NELL1: variants seen among roughly 807,000 people sequenced by gnomAD.
The protein encoded by NELL1 is neural EGFL like 1, also known as protein kinase C-binding protein NELL1.
Under a neutral mutation model 107.4 loss-of-function variants are expected in NELL1, and 76 were observed. The ratio of observed to expected loss-of-function variants is 0.71; its 90% confidence interval spans 0.59 to 0.86. The LOEUF (loss-of-function observed/expected upper bound fraction) is 0.86. NELL1 is among the 40% of genes least tolerant of loss of function. The pLI is 0.00. For synonymous variants in NELL1, 353 were observed against 341.2 expected, an observed-to-expected ratio of 1.03 and a Z score of -0.38; for missense variants, 1,024 against 1,005.5, an observed-to-expected ratio of 1.02 and a Z score of -0.25.
At chr11:21,398,886 T>C (rs1945442) in intron 15 of NELL1, among the ~76,000 whole-genome samples, 115,780 of 151,614 alleles carry the variant, frequency 0.76, 44,422 homozygotes, top group South Asian at 0.81. Flanking sequence ...TTTAAGTGAA[T>C]TTAAAGCCAG....
At chr11:21,231,557 A>G (rs1367444356) in intron 14 of NELL1, among the ~76,000 whole-genome samples, 1 of 152,206 alleles carries the variant, frequency 6.6e-6, no homozygotes, top group African/African-American at 2.4e-5. Flanking sequence ...GAGGAGCAAC[A>G]TAGGGATTTT....
At chr11:21,010,695 G>C (rs1590536180) in intron 12 of NELL1, among the ~76,000 whole-genome samples, 1 of 152,090 alleles carries the variant, frequency 6.6e-6, no homozygotes, top group African/African-American at 2.4e-5. Context: ...AGGGAGTAAA[G>C]CTGAGGGGCT....
intron 15 of NELL1, among the ~76,000 whole-genome samples, chr11:21,474,319 G>C (rs1854264387): frequency 6.6e-6 from 1 of 151,904 alleles, no homozygotes; most frequent in South Asian, 2.1e-4. Flanking sequence ...CACTCAGAGA[G>C]CCCTTCCCTT....
intron 3 of NELL1, among the ~76,000 whole-genome samples, chr11:20,804,568 A>C (rs898113756): frequency 4.6e-5 from 7 of 152,114 alleles, no homozygotes; most frequent in Non-Finnish European, 8.8e-5. Flanking sequence ...CTATTGTTTA[A>C]TTTCCATGTG....
intron 15 of NELL1, among the ~76,000 whole-genome samples, chr11:21,531,172 AAC>A (rs34379297): frequency 7.9e-5 from 12 of 152,104 alleles, no homozygotes; most frequent in African/African-American, 2.2e-4. Flanking sequence ...ACAAAACACA[AAC>A]ACACACACAC....
At chr11:21,093,211 A>G (rs928452575) in intron 12 of NELL1, among the ~76,000 whole-genome samples, 1 of 152,182 alleles carries the variant, frequency 6.6e-6, no homozygotes, top group African/African-American at 2.4e-5. Context: ...AGCCTGTGTG[A>G]ACTTGGGGAA....
intron 13 of NELL1, among the ~76,000 whole-genome samples, chr11:21,134,479 GAC>G (rs2133762521): frequency 6.6e-6 from 1 of 152,290 alleles, no homozygotes; most frequent in African/African-American, 2.4e-5. Flanking sequence ...TTGAAAGGAT[GAC>G]ACACTCTTAA....
rs540414665 is a variant in NELL1 at position 21,083,391 on chromosome 11, G to A, written c.1301-30198G>A. ...AAATTTCCTTTTATAAGAGCCTTAC[G>A]GAAGAAAAGGAGGCTTGGAGAAACA... On this transcript the variant is annotated intron_variant, in intron 12 of 19. Transcript: ENST00000357134. Among the ~76,000 whole-genome samples the A allele has an allele frequency of 4.6e-5, 7 of 152,224 alleles. No individual in the cohort carries two copies. The East Asian group carries it at 9.7e-4, about 21-fold the overall frequency.
rs57066643 is a variant in NELL1 at position 21,532,816 on chromosome 11, T to C, written c.1646-1558T>C. On this transcript the variant is annotated intron_variant, in intron 15 of 19. Transcript: ENST00000357134. ...GGTATTCAAAAAGCAGTGGGCTGATTGTGTTATTTAGAATAAGCCCTTTCC... is the reference window on the plus strand; with the variant it reads ...GGTATTCAAAAAGCAGTGGGCTGATCGTGTTATTTAGAATAAGCCCTTTCC... Among the ~76,000 whole-genome samples the C allele has an allele frequency of 1.2e-3, 184 of 152,302 alleles. 1 individual carries two copies. The highest frequency in any genetic ancestry group is 4.3e-3 in the African/African-American group (178 of 41,568).
intron 15 of NELL1, among the ~76,000 whole-genome samples, chr11:21,417,432 C>A (rs1852545177): frequency 6.6e-6 from 1 of 151,204 alleles, no homozygotes; most frequent in Admixed American, 6.6e-5. Context: ...AAAAATGTTT[C>A]TGATTTTTTT....
intron 2 of NELL1, among the ~76,000 whole-genome samples, chr11:20,766,553 A>G (rs1260512320): frequency 6.6e-6 from 1 of 152,126 alleles, no homozygotes; most frequent in Non-Finnish European, 1.5e-5. Flanking sequence ...TAAACCCTCT[A>G]GTGTGTAATG....
At chr11:21,274,931 C>T (rs1052081042) in intron 14 of NELL1, among the ~76,000 whole-genome samples, 1 of 152,100 alleles carries the variant, frequency 6.6e-6, no homozygotes, top group Admixed American at 6.6e-5. Context: ...GCACTAAATG[C>T]CCACAAGAGA....
In NELL1 at chr11:21,159,977, T is replaced by C. The variant is rs150053162; in HGVS notation, c.1426+46263T>C. ...ACCTAACAACCAGAATGTCCGTTCG[T>C]GATTCTTAAAGGTTTTAACAGTTTC... is the stretch of plus-strand genomic sequence containing the variant. On this transcript the variant is annotated intron_variant, in intron 13 of 19. Transcript: ENST00000357134. 2.0e-3 allele frequency among the ~76,000 whole-genome samples: 299 copies of C among 152,338 alleles called. 1 individual carries two copies. Among genetic ancestry groups the C allele is most frequent in the African/African-American group, 6.4e-3 (265 of 41,584 alleles).
chr11:20,674,062 C>A (rs189218176), intron 1 of NELL1, among the ~76,000 whole-genome samples: 7 of 152,236 alleles, frequency 4.6e-5, no homozygotes, highest in Admixed American at 1.3e-4. Context: ...CTTTTTTTGG[C>A]TCTGTTTTTA....
Position 20,994,616 on chromosome 11 carries a change from T to A in NELL1, c.1300+34056T>A, listed in dbSNP as rs1298042719. Among the ~76,000 whole-genome samples the A allele has an allele frequency of 2.6e-5, 4 of 152,140 alleles. No individual in the cohort carries two copies. In the East Asian group the frequency reaches 7.7e-4, roughly 29 times the overall value. ...GTAGGGAAAATGTAAATTACATATG[T>A]CCCCAAAGTGGTGAATATATAATAT... On this transcript the variant is annotated intron_variant, in intron 12 of 19. Coordinates refer to ENST00000357134, the MANE Select transcript of NELL1 (RefSeq NM_006157.5).
chr11:20,735,524 A>G (rs1483930079), intron 2 of NELL1, among the ~76,000 whole-genome samples: 2 of 152,196 alleles, frequency 1.3e-5, no homozygotes, highest in African/African-American at 4.8e-5. Context: ...AACTGCCCGC[A>G]TGATTAAATT....
intron 14 of NELL1, among the ~76,000 whole-genome samples, chr11:21,352,075 T>C (rs1350480364): frequency 6.6e-6 from 1 of 152,144 alleles, no homozygotes; most frequent in African/African-American, 2.4e-5. Flanking sequence ...CTATTCTCTT[T>C]GTCTAGAGTA....
chr11:20,794,029 C>G (rs1042953024), intron 3 of NELL1, among the ~76,000 whole-genome samples: 3 of 152,076 alleles, frequency 2.0e-5, no homozygotes, highest in African/African-American at 7.2e-5. Flanking sequence ...TTGCTCAATC[C>G]ATGACAGTCT....
At chr11:21,098,379 A>T (rs140050900) in intron 12 of NELL1, among the ~76,000 whole-genome samples, 1 of 152,214 alleles carries the variant, frequency 6.6e-6, no homozygotes, top group East Asian at 1.9e-4. Flanking sequence ...CTTCTTATTA[A>T]CGGTGAAAGG....
Sources: gnomAD v4.1 joint callset for allele counts (sites outside exome capture counted in the v4.1 genomes callset) on GRCh38, gnomAD v4.1.1 for gene constraint, MANE v1.5 for transcripts, NCBI Gene and HGNC (gene_info 2026-07-23, HGNC 2026-07-21) for gene names.